ZNF717: variants seen among roughly 807,000 people sequenced by gnomAD.
ZNF717 encodes the protein krueppel-like factor X17.
Under a neutral mutation model 13.8 loss-of-function variants are expected in ZNF717, and 9 were observed. The observed-to-expected ratio is 0.65, with a 90% CI of 0.39 to 1.14. The LOEUF (loss-of-function observed/expected upper bound fraction) is 1.14. ZNF717 is among the 50% of genes most tolerant of loss of function. The pLI is 0.01. For missense variants in ZNF717, 1,040 were observed against 1,080.7 expected (o/e 0.96, Z 0.53); for synonymous variants, 327 against 364.1 (o/e 0.90, Z 1.16).
At chr3:75,718,728 T>C (rs9865079) in intron 4 of ZNF717, among the ~76,000 whole-genome samples, 6,827 of 152,100 alleles carry the variant, frequency 0.045, 504 homozygotes, top group African/African-American at 0.15. Flanking sequence ...GCAGTTCACA[T>C]TGGGGTTCGT....
chr3:75,711,175 A>C (rs1937929529), exon 6 of ZNF717: 1 of 152,240 alleles, frequency 6.6e-6, no homozygotes, highest in Admixed American at 6.5e-5. Flanking sequence ...GTAAAAATAG[A>C]AGAATACTCA....
intron 4 of ZNF717, among the ~76,000 whole-genome samples, 158 bp downstream of exon 4, chr3:75,741,116 TGA>T (rs1474041996): frequency 1.4e-5 from 2 of 138,018 alleles, no homozygotes; most frequent in Non-Finnish European, 3.2e-5. Context: ...GATATATGCA[TGA>T]GAGTTACCCC....
chr3:75,774,366 T>C (rs1944142252), intron 2 of ZNF717, among the ~76,000 whole-genome samples: 2 of 152,064 alleles, frequency 1.3e-5, no homozygotes, highest in South Asian at 2.1e-4. Flanking sequence ...AAACCTTTAA[T>C]ATATTTAATA....
At chr3:75,734,366 G>A (rs796443702), downstream of ZNF717, among the ~76,000 whole-genome samples, 1 of 151,788 alleles carries the variant, frequency 6.6e-6, no homozygotes, top group East Asian at 1.9e-4. Flanking sequence ...ACCACACCTG[G>A]CTTGAATCTA....
intron 2 of ZNF717, among the ~76,000 whole-genome samples, chr3:75,751,898 A>C (rs1298163883): frequency 1.3e-5 from 2 of 151,836 alleles, no homozygotes; most frequent in African/African-American, 2.4e-5. Context: ...ATTTTCCCTC[A>C]CACAGGATTC....
chr3:75,728,026 C>T (rs3009041), downstream of ZNF717, among the ~76,000 whole-genome samples: 127,791 of 150,982 alleles, frequency 0.85, 53,009 homozygotes, highest in East Asian at 0.89. Flanking sequence ...TAAAACCTCA[C>T]ATGTGGGACT....
At chr3:75,745,665 A>T (rs1210661564) in intron 2 of ZNF717, among the ~76,000 whole-genome samples, 3 of 151,800 alleles carry the variant, frequency 2.0e-5, no homozygotes, top group Non-Finnish European at 4.4e-5. Flanking sequence ...GTACTTTGTA[A>T]CTCTATGAGA....
chr3:75,732,911 T>C (rs3009033), downstream of ZNF717, among the ~76,000 whole-genome samples: 53,808 of 150,816 alleles, frequency 0.36, 4,927 homozygotes, highest in South Asian at 0.5. Context: ...ACCTATGATA[T>C]TGGAATTATC....
chr3:75,761,096 A>G (rs1037439626), intron 2 of ZNF717, among the ~76,000 whole-genome samples: 3 of 152,190 alleles, frequency 2.0e-5, no homozygotes, highest in African/African-American at 7.2e-5. Context: ...ATGGAGAAAT[A>G]AAAAATCCAA....
At position 75,751,084 on chromosome 3, in the gene ZNF717, C is replaced by T. The variant is rs1473915892; in HGVS notation, c.58-9348G>A. Among the ~76,000 whole-genome samples, 6 of 151,886 alleles carry T rather than the reference C, an allele frequency of 4.0e-5. No homozygotes were observed. In the East Asian group the frequency reaches 1.2e-3, roughly 29 times the overall value. On this transcript the variant is annotated intron_variant, in intron 2 of 4. Coordinates refer to ENST00000652011, the MANE Select transcript of ZNF717 (RefSeq NM_001290208.3). Reference sequence around the variant, plus strand: ...CTGGGTTCTGAGTATTTGTTCCTCACATAGGATTCCAGAAAACTGCTATGA... The same window carrying T: ...CTGGGTTCTGAGTATTTGTTCCTCATATAGGATTCCAGAAAACTGCTATGA...
downstream of ZNF717, among the ~76,000 whole-genome samples, chr3:75,725,266 T>A (rs1379988619): frequency 2.0e-5 from 3 of 152,238 alleles, no homozygotes; most frequent in Non-Finnish European, 2.9e-5. Context: ...TCTAAACAGG[T>A]AACTGTGTTC....
At chr3:75,734,059 CATTTT>C (rs1374692803), downstream of ZNF717, among the ~76,000 whole-genome samples, 4 of 151,832 alleles carry the variant, frequency 2.6e-5, no homozygotes, top group African/African-American at 9.7e-5. Context: ...ACTGAACCTA[CATTTT>C]ATTTATTTTT....
intron 6 of ZNF717, among the ~76,000 whole-genome samples, chr3:75,699,538 G>C (rs1223930204): frequency 6.6e-6 from 1 of 152,414 alleles, no homozygotes; most frequent in Admixed American, 6.5e-5. Flanking sequence ...TTATCTACAA[G>C]TGTGTGTAGC....
chr3:75,739,512 T>G (rs1444813682), intron 4 of ZNF717, among the ~76,000 whole-genome samples, 167 bp from the exon 5 acceptor site: 4 of 152,222 alleles, frequency 2.6e-5, no homozygotes, highest in Non-Finnish European at 5.9e-5. Flanking sequence ...ACTGACATAA[T>G]GTAATAAATC....
intron 4 of ZNF717, among the ~76,000 whole-genome samples, chr3:75,717,117 C>CT (rs138496482): frequency 1.5e-5 from 2 of 132,778 alleles, no homozygotes; most frequent in Non-Finnish European, 1.7e-5. Flanking sequence ...ATGGAGAAGG[C>CT]TTTTTTTGCT....
chr3:75,769,098 G>A (rs1575939892), intron 2 of ZNF717, among the ~76,000 whole-genome samples: 1 of 152,176 alleles, frequency 6.6e-6, no homozygotes. Flanking sequence ...CTCATCAAAA[G>A]GGGGAATCTA....
rs553330817 is a variant in ZNF717 at position 75,775,990 on chromosome 3, AT to A, written c.57+7315del. On this transcript the variant is annotated intron_variant, in intron 2 of 4. Transcript: ENST00000652011. ...TGCATGCTAAATCACCAATACTGAA[AT>A]TGTTTAGACATATAATTTAAATAAA... Among the ~76,000 whole-genome samples the A allele has an allele frequency of 2.8e-3, 429 of 152,358 alleles. 1 individual carries two copies. The highest frequency in any genetic ancestry group is 9.7e-3 in the African/African-American group (404 of 41,566).
intron 2 of ZNF717, among the ~76,000 whole-genome samples, chr3:75,764,956 A>C: frequency 6.7e-6 from 1 of 148,686 alleles, no homozygotes; most frequent in Admixed American, 6.7e-5. Context: ...AAGAAACCAA[A>C]ACGTCCATCC....
intron 2 of ZNF717, among the ~76,000 whole-genome samples, chr3:75,750,918 G>T (rs1468537162): frequency 1.5e-5 from 2 of 134,966 alleles, no homozygotes; most frequent in Admixed American, 1.5e-4. Context: ...ACTGTTACGA[G>T]GGTTTGAATG....
Sources: gnomAD v4.1 joint callset for allele counts (sites outside exome capture counted in the v4.1 genomes callset) on GRCh38, gnomAD v4.1.1 for gene constraint, MANE v1.5 for transcripts, NCBI Gene and HGNC (gene_info 2026-07-23, HGNC 2026-07-21) for gene names.